Variants in MCUR1 observed in about 807,000 individuals in gnomAD.
MCUR1 encodes mitochondrial calcium uniporter regulator 1.
MCUR1 carries 37 observed loss-of-function variants against 42.0 expected under a neutral mutation model. The ratio of observed to expected loss-of-function variants is 0.88; its 90% CI spans 0.68 to 1.16. The LOEUF is 1.16. MCUR1 is among the 50% of genes most tolerant of loss of function. The pLI, the probability that MCUR1 is intolerant of heterozygous loss-of-function variation, is 0.00. For missense variants in MCUR1, 469 were observed against 468.4 expected (o/e 1.00, Z -0.01); for synonymous variants, 229 against 196.2 (o/e 1.17, Z -1.40).
chr6:13,795,436 T>C (rs983404722), intron 6 of MCUR1, among the ~76,000 whole-genome samples: 2 of 152,260 alleles, frequency 1.3e-5, no homozygotes, highest in African/African-American at 4.8e-5. Flanking sequence ...CAGAAGTTTA[T>C]ATGCCATACT....
Position 13,814,179 on chromosome 6 carries a change from GC to G in MCUR1, c.250del (p.Ala84ProfsTer57). 1 of 1,369,824 alleles carries G rather than the reference GC, an allele frequency of 7.3e-7. No individual in the cohort carries two copies. 84.9% of individuals were successfully genotyped at this position (1,369,824 alleles called of 1,614,324 possible). On this transcript the variant is annotated frameshift_variant, in exon 1 of 9. Coordinates refer to ENST00000379170, the MANE Select transcript of MCUR1 (RefSeq NM_001031713.4). LOFTEE classifies it high-confidence loss of function. ...LVPSPRLAAAAPRRQLGDWER... is the reference protein window; with the variant it reads ...LVPSPRLAAAXPRRQLGDWER... ...CCAGTCCCCGAGCTGCCGGCGCGGG[GC>G]TGCGGCGGCCAAGCGCGGGGAGGGC...
In MCUR1 at chr6:13,802,295, AG is replaced by A. The variant is rs765383338; in HGVS notation, c.586del (p.Leu196TrpfsTer25). ...EIIVSALVKI[L>X]EANMDIVYKD... ...GTAGACGATGTCCATGTTGGCCTCC[AG>A]GATCTTGACCAATGCAGACACAATG... On this transcript the variant is annotated frameshift_variant, in exon 3 of 9. Transcript: ENST00000379170. LOFTEE classifies it high-confidence loss of function. 227 of 1,613,848 alleles carry A rather than the reference AG, an allele frequency of 1.4e-4. No individual in the cohort carries two copies. The highest frequency in any genetic ancestry group is 1.9e-4 in the Non-Finnish European group (224 of 1,179,892).
chr6:13,809,912 A>C (rs1271995030), intron 1 of MCUR1, among the ~76,000 whole-genome samples: 1 of 151,754 alleles, frequency 6.6e-6, no homozygotes, highest in African/African-American at 2.4e-5. Flanking sequence ...TCGAAAAAAA[A>C]AATATTTAAA....
At chr6:13,812,818 CA>C (rs1357908330) in intron 1 of MCUR1, among the ~76,000 whole-genome samples, 1 of 152,116 alleles carries the variant, frequency 6.6e-6, no homozygotes, top group Non-Finnish European at 1.5e-5. Flanking sequence ...ATAATTTTGC[CA>C]AGTCTGTTGA....
rs1352501049 is a variant in MCUR1 at position 13,798,733 on chromosome 6, T to C, written c.855+100A>G. 14 of 786,528 alleles carry C rather than the reference T, an allele frequency of 1.8e-5. No individual in the cohort carries two copies. The East Asian group carries it at 3.1e-4, about 17-fold the overall frequency. The allele number at this position is 786,528 out of a possible 1,614,324, so 48.7% of individuals were successfully genotyped here. ...CCTAACACTGATAAACAGATAAATATTTAACAGTACCTATGACATGTACAT... is the reference window on the plus strand; with the variant it reads ...CCTAACACTGATAAACAGATAAATACTTAACAGTACCTATGACATGTACAT... On this transcript the variant is annotated intron_variant, in intron 6 of 8. Transcript: ENST00000379170.
intron 2 of MCUR1, among the ~76,000 whole-genome samples, chr6:13,806,713 C>A (rs955775189): frequency 5.9e-5 from 9 of 152,092 alleles, no homozygotes; most frequent in Non-Finnish European, 1.5e-5. Flanking sequence ...ATGGCTTGAG[C>A]CTGGGAGGCA....
chr6:13,811,948 C>A (rs1046041388), intron 1 of MCUR1, among the ~76,000 whole-genome samples: 3 of 152,082 alleles, frequency 2.0e-5, no homozygotes, highest in Non-Finnish European at 4.4e-5. Flanking sequence ...GAAAGGTCGA[C>A]AGAAGGGCTG....
intron 1 of MCUR1, among the ~76,000 whole-genome samples, chr6:13,808,727 A>G (rs889065613): frequency 6.6e-6 from 1 of 152,004 alleles, no homozygotes; most frequent in Non-Finnish European, 1.5e-5. Context: ...ATTCTTCTCC[A>G]TGTAGATATC....
At chr6:13,805,322 C>T (rs555153711) in intron 2 of MCUR1, among the ~76,000 whole-genome samples, 4 of 152,236 alleles carry the variant, frequency 2.6e-5, no homozygotes, top group Admixed American at 6.5e-5. Flanking sequence ...GCTCCCTTCT[C>T]GCTTCTACTT....
intron 1 of MCUR1, among the ~76,000 whole-genome samples, chr6:13,809,361 T>C (rs1760180852): frequency 6.6e-6 from 1 of 152,254 alleles, no homozygotes; most frequent in Non-Finnish European, 1.5e-5. Context: ...TTTTCTCATC[T>C]TTAATCATAA....
At position 13,799,832 on chromosome 6, in the gene MCUR1, T is replaced by C. The variant is rs911929070; in HGVS notation, c.783+509A>G. 8.5e-3 allele frequency among the ~76,000 whole-genome samples: 1,194 copies of C among 140,694 alleles called. 13 individuals carry two copies. Among genetic ancestry groups the C allele is most frequent in the African/African-American group, 0.032 (1,107 of 34,518 alleles). 92.3% of individuals were successfully genotyped at this position (140,694 alleles called of 152,430 possible). On this transcript the variant is annotated intron_variant, in intron 5 of 8. Transcript: ENST00000379170. The stretch of plus-strand genomic sequence containing the variant: ...TCCTCCTAGAACACAATTTTCTTTT[T>C]TTTTTTTTTTTTTTTTTTGAGACAG...
Position 13,814,553 on chromosome 6 carries a change from T to A in MCUR1, c.-124A>T, listed in dbSNP as rs1461421647. On this transcript the variant is annotated 5_prime_UTR_variant, in exon 1 of 9. Coordinates refer to ENST00000379170, the MANE Select transcript of MCUR1 (RefSeq NM_001031713.4). ...GTGGGCCACAGCGCAGGACCGCCCT[T>A]TCCTGCCGGGCGCGCGGGCGGGGCT... 1.0e-5 allele frequency: 11 copies of A among 1,064,160 alleles called. No individual in the cohort carries two copies. The highest frequency in any genetic ancestry group is 1.3e-5 in the Non-Finnish European group (11 of 850,010). 65.9% of individuals were successfully genotyped at this position (1,064,160 alleles called of 1,614,324 possible). A position where few individuals can be genotyped will look rare whatever the true frequency, so the allele number is the denominator to read the frequency against.
chr6:13,802,530 C>T lies in MCUR1; in HGVS notation c.536-184G>A, dbSNP rs142775060. Among the ~76,000 whole-genome samples, 301 of 152,242 alleles carry T rather than the reference C, an allele frequency of 2.0e-3. 3 individuals carry two copies. The highest frequency in any genetic ancestry group is 3.6e-3 in the Non-Finnish European group (242 of 68,014). On this transcript the variant is annotated intron_variant, in intron 2 of 8. Coordinates refer to ENST00000379170, the MANE Select transcript of MCUR1 (RefSeq NM_001031713.4). Reference sequence around the variant, plus strand: ...TCACTCAGAGCAAGCACGAAACATACAAGTTGGCTTCCCCAGGTACCGGTG... The same window carrying T: ...TCACTCAGAGCAAGCACGAAACATATAAGTTGGCTTCCCCAGGTACCGGTG...
chr6:13,792,469 G>A (rs1759751704), intron 7 of MCUR1, among the ~76,000 whole-genome samples: 1 of 152,126 alleles, frequency 6.6e-6, no homozygotes, highest in South Asian at 2.1e-4. Context: ...AAGCGGCAGT[G>A]CTTGTCTTGA....
chr6:13,791,898 T>C lies in MCUR1; in HGVS notation c.1004A>G (p.Asp335Gly). 2 of 1,612,414 alleles carry C rather than the reference T, an allele frequency of 1.2e-6. No individual in the cohort carries two copies. The highest frequency in any genetic ancestry group is 1.7e-6 in the Non-Finnish European group (2 of 1,178,590). The change falls in exon 8 of 9, where the codon GAT becomes GGT. Residue 335 changes from aspartate to glycine, a missense_variant. By Grantham distance (94) the Asp-to-Gly change is moderately conservative (BLOSUM62 -1). Transcript: ENST00000379170. ...CTTACCTGCTAAATATTTAATATTATCAAGCTTGTGTGACTCAAGCATGGT... is the reference window on the plus strand; with the variant it reads ...CTTACCTGCTAAATATTTAATATTACCAAGCTTGTGTGACTCAAGCATGGT... ...LKTMLESHKL[D>G]NIKYLAGSIF...
Position 13,789,867 on chromosome 6 carries a change from G to GT in MCUR1, c.*941dup, listed in dbSNP as rs942719422. ...AAATCTTGCATTCTAAGAGGTAAGA[G>GT]TCCCCATTACAATTGCAATGCTTCT... On this transcript the variant is annotated 3_prime_UTR_variant, in exon 9 of 9. Transcript: ENST00000379170. 13 of 152,148 alleles carry GT rather than the reference G, an allele frequency of 8.5e-5. No individual in the cohort carries two copies. The highest frequency in any genetic ancestry group is 1.9e-4 in the Non-Finnish European group (13 of 68,036). The allele number at this position is 152,148 out of a possible 1,614,324, so 9.4% of individuals were successfully genotyped here.
chr6:13,808,945 CTT>C (rs2113478521), intron 1 of MCUR1, among the ~76,000 whole-genome samples: 1 of 152,094 alleles, frequency 6.6e-6, no homozygotes, highest in Non-Finnish European at 1.5e-5. Context: ...TGTTGTTGCT[CTT>C]GACGTTTTTT....
chr6:13,802,508 C>T (rs1760013819), intron 2 of MCUR1, among the ~76,000 whole-genome samples, 162 bp from the exon 3 acceptor site: 1 of 152,150 alleles, frequency 6.6e-6, no homozygotes, highest in Non-Finnish European at 1.5e-5. Context: ...GTGCCGGTCA[C>T]TCAGAGCAAG....
At chr6:13,808,464 T>C (rs1760158721) in intron 1 of MCUR1, among the ~76,000 whole-genome samples, 1 of 152,216 alleles carries the variant, frequency 6.6e-6, no homozygotes, top group South Asian at 2.1e-4. Context: ...CACTTTTCGA[T>C]ACTGTCTTTT....
Sources: allele counts gnomAD v4.1 joint callset (sites outside exome capture counted in the v4.1 genomes callset), GRCh38; gene constraint gnomAD v4.1.1; transcripts MANE v1.5; gene names NCBI Gene and HGNC (gene_info 2026-07-23, HGNC 2026-07-21).